Variants in JAK2 observed in about 807,000 individuals in gnomAD.
JAK2 encodes tyrosine-protein kinase JAK2.
Under a neutral mutation model 139.3 loss-of-function variants are expected in JAK2, and 86 were observed. The ratio of observed to expected loss-of-function variants is 0.62; its 90% CI spans 0.52 to 0.74. The LOEUF (loss-of-function observed/expected upper bound fraction) is 0.74, where lower values mean the gene tolerates loss of function less well. JAK2 is among the 30% of genes least tolerant of loss of function. JAK2 has a pLI of 0.00. For missense variants in JAK2, 1,421 were observed against 1,360.3 expected, an observed-to-expected ratio of 1.04 and a Z score of -0.70; for synonymous variants, 490 against 437.7, an observed-to-expected ratio of 1.12 and a Z score of -1.49.
intron 2 of JAK2, among the ~76,000 whole-genome samples, chr9:5,006,631 A>G (rs529381050): frequency 1.3e-5 from 2 of 152,304 alleles, no homozygotes; most frequent in South Asian, 4.1e-4. Context: ...ATACAGCAAC[A>G]GGAAAGAGAC....
intron 22 of JAK2, 98 bp from the exon 23 acceptor site, chr9:5,122,906 A>C: frequency 1.3e-6 from 1 of 741,656 alleles, no homozygotes; most frequent in Non-Finnish European, 2.1e-6. Flanking sequence ...TCTTTTCTCT[A>C]CATGTTTTTT....
At chr9:5,024,255 CA>C (rs776552118) in intron 3 of JAK2, among the ~76,000 whole-genome samples, 5 of 151,168 alleles carry the variant, frequency 3.3e-5, no homozygotes, top group East Asian at 3.9e-4. Context: ...GACTCCATCT[CA>C]AAAAAAAATT....
At chr9:5,068,289 G>T (rs987337925) in intron 10 of JAK2, among the ~76,000 whole-genome samples, 4 of 151,974 alleles carry the variant, frequency 2.6e-5, no homozygotes, top group African/African-American at 7.3e-5. Context: ...TTTATAAAAT[G>T]CACCTTAAAA....
chr9:5,020,897 G>C (rs1246183018), intron 2 of JAK2, among the ~76,000 whole-genome samples: 2 of 152,076 alleles, frequency 1.3e-5, no homozygotes, highest in Non-Finnish European at 2.9e-5. Context: ...GTGTGGGTTG[G>C]GCTTTAAAAA....
Position 5,128,862 on chromosome 9 carries a change from G to A in JAK2, c.*2071G>A, listed in dbSNP as rs568349890. 2.0e-5 allele frequency among the ~76,000 whole-genome samples: 3 copies of A among 152,020 alleles called. No homozygotes were observed. The highest frequency in any genetic ancestry group is 4.8e-5 in the African/African-American group (2 of 41,530). On this transcript the variant is annotated 3_prime_UTR_variant, in exon 25 of 25. Coordinates refer to ENST00000381652, the MANE Select transcript of JAK2 (RefSeq NM_004972.4). ...CAGTTAATGCCAAAATATTTTTCAC[G>A]TTAATATTCTTCAGAAACAAGGGTA...
chr9:5,100,830 A>T (rs1236404275), intron 22 of JAK2: 4 of 152,342 alleles, frequency 2.6e-5, no homozygotes, highest in African/African-American at 9.7e-5. Context: ...CATTCTTTAC[A>T]GCCACAGGCT....
chr9:5,108,018 A>G (rs1419811810), intron 22 of JAK2: 1 of 152,092 alleles, frequency 6.6e-6, no homozygotes, highest in Non-Finnish European at 1.5e-5. Flanking sequence ...TCCACAGCCT[A>G]CTTATCAGCC....
intron 5 of JAK2, among the ~76,000 whole-genome samples, chr9:5,050,437 A>G (rs946081044): frequency 6.6e-6 from 1 of 151,996 alleles, no homozygotes; most frequent in Non-Finnish European, 1.5e-5. Flanking sequence ...TGCCTGGATA[A>G]TTTTTAAATT....
chr9:4,996,928 CTTTTT>C (rs1166992356), intron 2 of JAK2, among the ~76,000 whole-genome samples: 1 of 94,706 alleles, frequency 1.1e-5, no homozygotes, highest in African/African-American at 4.4e-5. Flanking sequence ...TTAGTTTGTT[CTTTTT>C]TTTTTTTTTT....
chr9:5,076,069 C>G (rs1313167376), intron 14 of JAK2, among the ~76,000 whole-genome samples: 1 of 152,106 alleles, frequency 6.6e-6, no homozygotes, highest in Non-Finnish European at 1.5e-5. Context: ...AGATGTGACT[C>G]AATTGCTACA....
intron 23 of JAK2, among the ~76,000 whole-genome samples, chr9:5,123,952 C>T (rs1823804971): frequency 6.8e-6 from 1 of 147,348 alleles, no homozygotes; most frequent in African/African-American, 2.5e-5. Flanking sequence ...ATTTGCATTT[C>T]TCTGGTGATT....
In JAK2 at chr9:5,029,878, A is replaced by T. The variant is rs751548297; in HGVS notation, c.322A>T (p.Thr108Ser). The T allele has an allele frequency of 1.2e-6, 2 of 1,612,670 alleles. No individual in the cohort carries two copies. Among genetic ancestry groups the T allele is most frequent in the South Asian group, 1.1e-5 (1 of 90,844 alleles). ...CCATGTCTTCCATATAGATGAGTCA[A>T]CCAGGCATAATGTACTCTACAGAAT... ...PNHVFHIDES[T>S]RHNVLYRIRF... is the part of the protein sequence containing the mutation. Residue 108 changes from threonine to serine, a missense_variant, in exon 4 of 25, where the codon ACC (threonine) becomes TCC (serine). By Grantham distance (58) the Thr-to-Ser change is moderately conservative. Coordinates refer to ENST00000381652, the MANE Select transcript of JAK2 (RefSeq NM_004972.4).
chr9:5,018,530 G>C (rs137941118), intron 2 of JAK2, among the ~76,000 whole-genome samples: 65 of 152,128 alleles, frequency 4.3e-4, no homozygotes, highest in African/African-American at 1.4e-3. Flanking sequence ...GTAGACATGG[G>C]GTTTTGCCAT....
In JAK2 at chr9:5,105,393, C is replaced by G. The variant is rs568376065; in HGVS notation, c.3059+14482C>G. ...GACCTCTTCAAGGAAAACTACAAAC[C>G]ACTGCTCAATGAAATACAAGAGGAC... On this transcript the variant is annotated intron_variant, in intron 22 of 24. Transcript: ENST00000381652. 1.2e-4 allele frequency among the ~76,000 whole-genome samples: 18 copies of G among 152,270 alleles called. 1 individual carries two copies. Among genetic ancestry groups the G allele is most frequent in the African/African-American group, 4.1e-4 (17 of 41,546 alleles).
At chr9:5,117,223 A>G (rs184499015) in intron 22 of JAK2, among the ~76,000 whole-genome samples, 2 of 152,344 alleles carry the variant, frequency 1.3e-5, no homozygotes, top group Admixed American at 1.3e-4. Flanking sequence ...TGTTCTTTAT[A>G]AATTATCCAT....
rs982995485 is a variant in JAK2, at chr9:5,005,391, T to C, written c.-25-16572T>C. 2.6e-5 allele frequency among the ~76,000 whole-genome samples: 4 copies of C among 152,130 alleles called. No individual in the cohort carries two copies. In the East Asian group the frequency reaches 7.7e-4, roughly 29 times the overall value. On this transcript the variant is annotated intron_variant, in intron 2 of 24. Transcript: ENST00000381652. ...TATCATATGGATGGCTTGAAAATAT[T>C]TTCTCCTGTTTTATAGGTTGTCCCT... is the stretch of plus-strand genomic sequence containing the variant.
intron 8 of JAK2, among the ~76,000 whole-genome samples, chr9:5,061,041 T>C (rs1017861877): frequency 6.6e-6 from 1 of 152,198 alleles, no homozygotes; most frequent in Non-Finnish European, 1.5e-5. Context: ...AAAGCAATCT[T>C]TTTTTCTGAG....
chr9:5,054,993 T>C lies in JAK2; in HGVS notation c.936+109T>C. ...ATGGTATTGCACTTCTCCCATTTGA[T>C]AGAAGTGGAAGTTTTTAATAGCGTG... On this transcript the variant is annotated intron_variant, in intron 7 of 24. Transcript: ENST00000381652. The surrounding 1 kb of genome is among the most constrained non-coding windows in gnomAD (Gnocchi z 4.9). The C allele has an allele frequency of 2.6e-6, 2 of 771,342 alleles. No individual in the cohort carries two copies. The highest frequency in any genetic ancestry group is 3.1e-5 in the Admixed American group (1 of 32,750). 47.8% of individuals were successfully genotyped at this position (771,342 alleles called of 1,614,324 possible).
intron 24 of JAK2, 30 bp downstream of exon 24, chr9:5,126,476 C>G: frequency 7.0e-7 from 1 of 1,423,620 alleles, no homozygotes; most frequent in Middle Eastern, 1.8e-4. Context: ...CCAGGGTAGT[C>G]ATGCATTTTC....
Sources: allele counts gnomAD v4.1 joint callset (sites outside exome capture counted in the v4.1 genomes callset), GRCh38; gene constraint gnomAD v4.1.1; non-coding constraint Gnocchi (gnomAD v3.1); transcripts MANE v1.5; gene names NCBI Gene and HGNC (gene_info 2026-07-23, HGNC 2026-07-21).